Variants in EXOC6B observed in about 807,000 individuals in gnomAD.
EXOC6B encodes the protein exocyst complex component 6B.
In EXOC6B, 54 loss-of-function variants were observed where a neutral mutation model predicts 113.5. The observed-to-expected ratio is 0.48, with a 90% CI of 0.38 to 0.60. The LOEUF is 0.60. Ranked by LOEUF, EXOC6B falls within the 20% of genes least tolerant of loss-of-function variation. The pLI, the probability that EXOC6B is intolerant of heterozygous loss-of-function variation, is 0.00. For missense variants in EXOC6B, 797 were observed against 977.5 expected (o/e 0.82, Z 2.46); for synonymous variants, 357 against 339.0 (o/e 1.05, Z -0.58).
At chr2:72,295,099 C>T (rs927056131) in intron 20 of EXOC6B, among the ~76,000 whole-genome samples, 1 of 151,624 alleles carries the variant, frequency 6.6e-6, no homozygotes, top group African/African-American at 2.4e-5. Flanking sequence ...GGCATAGTGG[C>T]GTGCACCTGT....
intron 20 of EXOC6B, among the ~76,000 whole-genome samples, chr2:72,289,616 A>T (rs1370927469): frequency 6.6e-6 from 1 of 152,176 alleles, no homozygotes; most frequent in Non-Finnish European, 1.5e-5. Flanking sequence ...TGTGATGGTT[A>T]ATTTTATGTA....
In EXOC6B at chr2:72,733,102, G is replaced by C; in HGVS notation, c.296C>G (p.Thr99Ser). The C allele has an allele frequency of 6.3e-7, 1 of 1,593,110 alleles. No individual in the cohort carries two copies. Among genetic ancestry groups the C allele is most frequent in the South Asian group, 1.1e-5 (1 of 87,802 alleles). Reference sequence around the variant, plus strand: ...TCCCTCATGTTGTAGTTTTCTATTAGTATCCGTCACTTGATTCTGTGGAGA... The same window carrying C: ...TCCCTCATGTTGTAGTTTTCTATTACTATCCGTCACTTGATTCTGTGGAGA... ...AQKLKNQVTDTNRKLQHEGKE... is the reference protein window; with the variant it reads ...AQKLKNQVTDSNRKLQHEGKE... The change falls in exon 3 of 22, where the codon ACT becomes AGT. Residue 99 changes from threonine to serine, a missense_variant. Physicochemically the swap from Thr to Ser is moderately conservative, Grantham distance 58 (BLOSUM62 1). Coordinates refer to ENST00000272427, the MANE Select transcript of EXOC6B (RefSeq NM_015189.3).
At chr2:72,749,862 T>A (rs1681928753) in intron 1 of EXOC6B, among the ~76,000 whole-genome samples, 1 of 151,912 alleles carries the variant, frequency 6.6e-6, no homozygotes, top group Non-Finnish European at 1.5e-5. Flanking sequence ...GCATGTAGAT[T>A]TAATGTGGAC....
chr2:72,597,310 A>C (rs1670134883), intron 6 of EXOC6B, among the ~76,000 whole-genome samples: 1 of 151,726 alleles, frequency 6.6e-6, no homozygotes, highest in African/African-American at 2.4e-5. Flanking sequence ...AGAGGGAGGA[A>C]CTGGGAATAC....
intron 10 of EXOC6B, among the ~76,000 whole-genome samples, 157 bp from the exon 11 acceptor site, chr2:72,513,409 T>A (rs1178046982): frequency 1.3e-5 from 2 of 152,106 alleles, no homozygotes; most frequent in Non-Finnish European, 2.9e-5. Flanking sequence ...GAAATCAGAC[T>A]ACTTGGACCA....
chr2:72,795,026 C>T (rs1037046608), intron 1 of EXOC6B, among the ~76,000 whole-genome samples: 35 of 152,190 alleles, frequency 2.3e-4, no homozygotes, highest in African/African-American at 6.8e-4. Flanking sequence ...ATCAGTGGTT[C>T]TCAAGCCTAA....
At chr2:72,524,546 G>C (rs987916653) in intron 8 of EXOC6B, among the ~76,000 whole-genome samples, 7 of 151,982 alleles carry the variant, frequency 4.6e-5, no homozygotes, top group African/African-American at 1.7e-4. Flanking sequence ...ACCTGCATGT[G>C]TACCCCAGAC....
At chr2:72,810,403 T>C (rs1391966441) in intron 1 of EXOC6B, among the ~76,000 whole-genome samples, 4 of 151,194 alleles carry the variant, frequency 2.6e-5, no homozygotes, top group Non-Finnish European at 4.4e-5. Flanking sequence ...GTGAAGTGTA[T>C]GAAAATGAAA....
intron 20 of EXOC6B, among the ~76,000 whole-genome samples, chr2:72,295,213 G>A (rs1187510269): frequency 7.7e-6 from 1 of 129,916 alleles, no homozygotes; most frequent in Non-Finnish European, 1.6e-5. Context: ...CCTGGCAATA[G>A]AGCAAGACTC....
intron 6 of EXOC6B, among the ~76,000 whole-genome samples, chr2:72,635,787 T>TA (rs1672775856): frequency 6.6e-6 from 1 of 152,164 alleles, no homozygotes; most frequent in South Asian, 2.1e-4. Context: ...TGCATTTAGA[T>TA]AAAAATACCT....
chr2:72,518,397 G>A (rs1264020073), intron 8 of EXOC6B, among the ~76,000 whole-genome samples: 2 of 151,794 alleles, frequency 1.3e-5, no homozygotes, highest in Non-Finnish European at 2.9e-5. Flanking sequence ...AACAGTACCT[G>A]TACTTACTGA....
chr2:72,309,072 G>T (rs1687049600), intron 20 of EXOC6B, among the ~76,000 whole-genome samples: 1 of 152,066 alleles, frequency 6.6e-6, no homozygotes, highest in African/African-American at 2.4e-5. Flanking sequence ...GAGAGGAAAA[G>T]ATAACCCTAT....
intron 17 of EXOC6B, 35 bp downstream of exon 17, chr2:72,480,581 A>C (rs1187754987): frequency 1.3e-6 from 2 of 1,548,458 alleles, no homozygotes; most frequent in Admixed American, 2.0e-5. Flanking sequence ...TGTGTACACC[A>C]GAAGCAGTTC....
chr2:72,547,020 G>A (rs573460259), intron 8 of EXOC6B, among the ~76,000 whole-genome samples: 76 of 152,332 alleles, frequency 5.0e-4, no homozygotes, highest in South Asian at 3.9e-3. Flanking sequence ...GGGAATTGGC[G>A]AAGCCTCTGA....
At chr2:72,462,680 C>T (rs887791209) in intron 18 of EXOC6B, 1 of 152,026 alleles carries the variant, frequency 6.6e-6, no homozygotes, top group African/African-American at 2.4e-5. Context: ...GACTTTGCAG[C>T]CTCCAGAACT....
At chr2:72,443,982 T>C (rs1696402571) in intron 18 of EXOC6B, among the ~76,000 whole-genome samples, 3 of 152,172 alleles carry the variant, frequency 2.0e-5, no homozygotes, top group African/African-American at 7.2e-5. Flanking sequence ...TTAACTCATT[T>C]CAGCATTAAC....
chr2:72,257,477 T>G (rs1683422566), intron 20 of EXOC6B, among the ~76,000 whole-genome samples: 1 of 152,210 alleles, frequency 6.6e-6, no homozygotes, highest in Non-Finnish European at 1.5e-5. Flanking sequence ...GTAAGCCCAA[T>G]CTTAGCAGAA....
chr2:72,651,955 A>C (rs1315690659), intron 6 of EXOC6B, among the ~76,000 whole-genome samples: 1 of 152,202 alleles, frequency 6.6e-6, no homozygotes, highest in Non-Finnish European at 1.5e-5. Flanking sequence ...ACAATGATAC[A>C]CAGATCCAGT....
At chr2:72,446,524 G>A (rs756082265) in intron 18 of EXOC6B, among the ~76,000 whole-genome samples, 1 of 152,110 alleles carries the variant, frequency 6.6e-6, no homozygotes, top group Non-Finnish European at 1.5e-5. Context: ...AGCAGGAACA[G>A]AAAACCAAAC....
Sources: allele counts gnomAD v4.1 joint callset (sites outside exome capture counted in the v4.1 genomes callset), GRCh38; gene constraint gnomAD v4.1.1; transcripts MANE v1.5; gene names NCBI Gene and HGNC (gene_info 2026-07-23, HGNC 2026-07-21).